The following ARAP2 variants were observed in gnomAD, a reference collection of about 807,000 sequenced individuals.
ARAP2 encodes the protein arf-GAP with Rho-GAP domain, ANK repeat and PH domain-containing protein 2.
Under a neutral mutation model 194.5 loss-of-function variants are expected in ARAP2, and 148 were observed. The observed-to-expected ratio is 0.76, with a 90% CI of 0.67 to 0.87. The LOEUF (loss-of-function observed/expected upper bound fraction) is 0.87, where lower values mean the gene tolerates loss of function less well. ARAP2 is among the 40% of genes least tolerant of loss of function. The probability of loss-of-function intolerance (pLI) is 0.00; values close to 1 mark genes in which losing one functional copy is unlikely to be tolerated. For missense variants in ARAP2, 2,128 were observed against 1,989.7 expected, an observed-to-expected ratio of 1.07 and a Z score of -1.32; for synonymous variants, 695 against 683.5, an observed-to-expected ratio of 1.02 and a Z score of -0.26.
intron 5 of ARAP2, among the ~76,000 whole-genome samples, chr4:36,039,119 G>C (rs1720409813): frequency 6.6e-6 from 1 of 152,122 alleles, no homozygotes; most frequent in African/African-American, 2.4e-5. Flanking sequence ...GAGATAAGAA[G>C]GAAGAAAACC....
At chr4:36,207,389 A>C (rs1745786215) in intron 6 of ARAP2, among the ~76,000 whole-genome samples, 1 of 152,228 alleles carries the variant, frequency 6.6e-6, no homozygotes, top group African/African-American at 2.4e-5. Flanking sequence ...TCTTTCACAC[A>C]GTTTTTAAAC....
intron 7 of ARAP2, 67 bp downstream of exon 7, chr4:36,193,511 C>G: frequency 9.3e-7 from 1 of 1,074,380 alleles, no homozygotes; most frequent in Non-Finnish European, 1.3e-6. Flanking sequence ...AAAAACCAAA[C>G]TGCTTGCTTA....
intron 3 of ARAP2, among the ~76,000 whole-genome samples, chr4:36,213,743 T>G (rs1020764829): frequency 3.9e-5 from 6 of 152,070 alleles, no homozygotes; most frequent in African/African-American, 1.4e-4. Flanking sequence ...TATAAAAAGG[T>G]CACTAACATA....
At position 36,229,437 on chromosome 4, in the gene ARAP2, C is replaced by T. The variant is rs776156614; in HGVS notation, c.50G>A (p.Ser17Asn). Residue 17 changes from serine to asparagine, a missense_variant, in exon 2 of 33, where the codon AGC becomes AAC. Ser to Asn is a conservative substitution (Grantham distance 46). Coordinates refer to ENST00000303965, the MANE Select transcript of ARAP2 (RefSeq NM_015230.4). ...VNVDIKDFLMSINLEQYLLHF... is the reference protein window; with the variant it reads ...VNVDIKDFLMNINLEQYLLHF... ...TAAGAGATACTGCTCCAAATTAATGCTCATTAGGAAATCTTTTATATCCAC... is the reference window on the plus strand; with the variant it reads ...TAAGAGATACTGCTCCAAATTAATGTTCATTAGGAAATCTTTTATATCCAC... 1.9e-6 allele frequency: 3 copies of T among 1,613,296 alleles called. No individual in the cohort carries two copies. Among genetic ancestry groups the T allele is most frequent in the Non-Finnish European group, 2.5e-6 (3 of 1,179,478 alleles).
At chr4:36,133,495 C>G in intron 19 of ARAP2, 106 bp from the exon 20 acceptor site, 1 of 990,740 alleles carries the variant, frequency 1.0e-6, no homozygotes, top group Non-Finnish European at 1.5e-6. Flanking sequence ...AAGACAAACT[C>G]TTCTTTTATC....
At chr4:36,127,697 C>A (rs915401224) in intron 21 of ARAP2, among the ~76,000 whole-genome samples, 1 of 150,856 alleles carries the variant, frequency 6.6e-6, no homozygotes, top group African/African-American at 2.4e-5. Flanking sequence ...GTTTTAAAAC[C>A]TAGAACAAGA....
chr4:36,017,359 T>C (rs1716007618), intron 6 of ARAP2, among the ~76,000 whole-genome samples: 1 of 151,478 alleles, frequency 6.6e-6, no homozygotes, highest in Admixed American at 6.6e-5. Flanking sequence ...CTTTCCTTCA[T>C]GCATCTTACA....
At chr4:36,216,613 G>A (rs1747985837) in intron 2 of ARAP2, among the ~76,000 whole-genome samples, 1 of 151,862 alleles carries the variant, frequency 6.6e-6, no homozygotes, top group Non-Finnish European at 1.5e-5. Flanking sequence ...TATACAAATG[G>A]TCACAGCAGA....
intron 19 of ARAP2, among the ~76,000 whole-genome samples, chr4:36,138,910 A>C (rs1464035110): frequency 1.3e-5 from 2 of 151,704 alleles, no homozygotes; most frequent in East Asian, 3.9e-4. Context: ...CTGTGGTTTT[A>C]ATTTGTATTT....
chr4:36,082,380 AT>A, intron 29 of ARAP2, 94 bp from the exon 30 acceptor site: 3 of 1,249,608 alleles, frequency 2.4e-6, no homozygotes, highest in Non-Finnish European at 3.4e-6. Context: ...ATGAGATTTA[AT>A]GGTGGGAATG....
intron 6 of ARAP2, among the ~76,000 whole-genome samples, chr4:36,017,723 C>G (rs1231468973): frequency 1.3e-5 from 2 of 151,986 alleles, no homozygotes; most frequent in Non-Finnish European, 2.9e-5. Context: ...AGCAAGATGT[C>G]AGAGAGTGGT....
intron 22 of ARAP2, among the ~76,000 whole-genome samples, chr4:36,123,815 T>C (rs1158652664): frequency 6.6e-6 from 1 of 151,840 alleles, no homozygotes; most frequent in Non-Finnish European, 1.5e-5. Context: ...TATAACTCTG[T>C]CATCTTCTAG....
At chr4:36,216,906 T>C (rs1475258032) in intron 2 of ARAP2, among the ~76,000 whole-genome samples, 1 of 152,182 alleles carries the variant, frequency 6.6e-6, no homozygotes, top group Non-Finnish European at 1.5e-5. Context: ...GGAGTGTACT[T>C]ACATAAACCT....
intron 13 of ARAP2, chr4:36,160,043 T>G: frequency 1.0e-6 from 1 of 961,188 alleles, no homozygotes; most frequent in Non-Finnish European, 1.2e-6. Context: ...TAAAAAATAT[T>G]ATTGACTTAT....
intron 1 of ARAP2, among the ~76,000 whole-genome samples, chr4:36,229,851 T>C (rs538496167): frequency 6.6e-6 from 1 of 152,270 alleles, no homozygotes; most frequent in South Asian, 2.1e-4. Flanking sequence ...AGCATCAAAC[T>C]ATGACTTTCA....
chr4:36,072,576 T>A (rs1193153487), intron 32 of ARAP2, among the ~76,000 whole-genome samples: 1 of 151,700 alleles, frequency 6.6e-6, no homozygotes, highest in African/African-American at 2.4e-5. Context: ...GTGTTCCCTG[T>A]CCTGGGTTCC....
downstream of ARAP2, among the ~76,000 whole-genome samples, chr4:36,062,154 A>AT (rs999143075): frequency 2.6e-5 from 4 of 152,132 alleles, no homozygotes; most frequent in Admixed American, 6.5e-5. Flanking sequence ...ACCTGATGTG[A>AT]TCCCATTTGT....
chr4:36,121,137 C>G (rs2109541674), intron 23 of ARAP2, 42 bp downstream of exon 23: 1 of 1,468,948 alleles, frequency 6.8e-7, no homozygotes, highest in Non-Finnish European at 9.3e-7. Flanking sequence ...CAAACAGTGA[C>G]ATTATAACCA....
intron 21 of ARAP2, among the ~76,000 whole-genome samples, chr4:36,126,441 C>A (rs761032730): frequency 2.0e-5 from 3 of 151,908 alleles, no homozygotes; most frequent in Non-Finnish European, 4.4e-5. Flanking sequence ...AGCAATTCAA[C>A]GAAACATATA....
Sources: allele counts gnomAD v4.1 joint callset (sites outside exome capture counted in the v4.1 genomes callset), GRCh38; gene constraint gnomAD v4.1.1; transcripts MANE v1.5; gene names NCBI Gene and HGNC (gene_info 2026-07-23, HGNC 2026-07-21).